The following MBP variants were observed in gnomAD, a reference collection of about 807,000 sequenced individuals.
MBP encodes the protein Golli-MBP.
MBP carries 16 observed loss-of-function variants against 35.8 expected under a neutral mutation model. The ratio of observed to expected loss-of-function variants is 0.45; its 90% CI spans 0.30 to 0.68. MBP has a LOEUF of 0.68. MBP is among the 30% of genes least tolerant of loss of function. The pLI, the probability that MBP is intolerant of heterozygous loss-of-function variation, is 0.08. For synonymous variants in MBP, 143 were observed against 159.6 expected (o/e 0.90, Z 0.78); for missense variants, 380 against 404.7 (o/e 0.94, Z 0.52).
In MBP at chr18:77,057,849, C is replaced by T. The variant is rs538418394; in HGVS notation, c.139+8449G>A. 1.9e-3 allele frequency among the ~76,000 whole-genome samples: 2 copies of T among 1,042 alleles called. 1 individual carries two copies. The highest frequency in any genetic ancestry group is 0.018 in the Non-Finnish European group (2 of 110). 0.7% of individuals were successfully genotyped at this position (1,042 alleles called of 152,430 possible). A position where few individuals can be genotyped will look rare whatever the true frequency, so the allele number is the denominator to read the frequency against. On this transcript the variant is annotated intron_variant, in intron 3 of 8. Transcript: ENST00000355994. The stretch of plus-strand genomic sequence containing the variant: ...GTTTTTTTTTTTTTTTTTTTTGAGA[C>T]GGAGTCTCGCTCTGTTGCCCAGGCT...
rs557139881 is a variant in MBP at position 77,001,578 on chromosome 18, C to T, written c.577-11518G>A. 6.6e-5 allele frequency among the ~76,000 whole-genome samples: 10 copies of T among 152,326 alleles called. No homozygotes were observed. In the East Asian group the frequency reaches 9.7e-4, roughly 15 times the overall value. On this transcript the variant is annotated intron_variant, in intron 4 of 8. Coordinates refer to ENST00000355994, the MANE Select transcript of MBP (RefSeq NM_001025101.2). ...GAAAATGCCCGTAAGAGGCCAGGCA[C>T]GGTGGCTCACACCTGTAATCCCAGA...
At chr18:77,024,845 T>C (rs1372126170) in intron 3 of MBP, among the ~76,000 whole-genome samples, 1 of 152,212 alleles carries the variant, frequency 6.6e-6, no homozygotes, top group African/African-American at 2.4e-5. Context: ...ATGGGAGCAT[T>C]CATTTCTATT....
intron 2 of MBP, among the ~76,000 whole-genome samples, chr18:77,092,704 G>A (rs1224981883): frequency 1.3e-5 from 2 of 152,122 alleles, no homozygotes; most frequent in Non-Finnish European, 2.9e-5. Context: ...GATCAGTGAA[G>A]GAAGAAATAA....
chr18:77,033,741 C>T (rs1286142437), intron 3 of MBP, among the ~76,000 whole-genome samples: 1 of 145,880 alleles, frequency 6.9e-6, no homozygotes, highest in Non-Finnish European at 1.5e-5. Flanking sequence ...CATTTATCTA[C>T]CTATGCATCA....
chr18:77,049,057 C>T (rs985325724), intron 3 of MBP, among the ~76,000 whole-genome samples: 4 of 151,816 alleles, frequency 2.6e-5, no homozygotes, highest in Non-Finnish European at 4.4e-5. Context: ...GTAGCTGGGA[C>T]TACAGGCACC....
rs1328909599 is a variant in MBP, at chr18:76,989,760, G to T, written c.681+196C>A. On this transcript the variant is annotated intron_variant, in intron 5 of 8. Coordinates refer to ENST00000355994, the MANE Select transcript of MBP (RefSeq NM_001025101.2). The surrounding 1 kb of genome is among the most constrained non-coding windows in gnomAD (Gnocchi z 4.0). ...ACGCACGGAGCGCACGGTGCAATCCGTGGCAGATACAGTCGGGAAGCGCTT... is the reference window on the plus strand; with the variant it reads ...ACGCACGGAGCGCACGGTGCAATCCTTGGCAGATACAGTCGGGAAGCGCTT... 3.4e-6 allele frequency: 2 copies of T among 581,902 alleles called. No homozygotes were observed. Among genetic ancestry groups the T allele is most frequent in the Admixed American group, 2.9e-5 (1 of 34,974 alleles). The allele number at this position is 581,902 out of a possible 1,614,324, so 36.0% of individuals were successfully genotyped here. A position where few individuals can be genotyped will look rare whatever the true frequency, so the allele number is the denominator to read the frequency against.
Position 77,065,942 on chromosome 18 carries a change from C to T in MBP, c.139+356G>A, listed in dbSNP as rs1300970404. The T allele has an allele frequency of 2.3e-5, 5 of 214,808 alleles. No homozygotes were observed. The East Asian group carries it at 4.3e-4, about 19-fold the overall frequency. 13.3% of individuals were successfully genotyped at this position (214,808 alleles called of 1,614,324 possible). On this transcript the variant is annotated intron_variant, in intron 3 of 8. Coordinates refer to ENST00000355994, the MANE Select transcript of MBP (RefSeq NM_001025101.2). ...GAGCAATCATAGCTCACTGCAGCCT[C>T]GACCTCCTGGGCCCAAGTGATCCTC...
intron 4 of MBP, among the ~76,000 whole-genome samples, chr18:76,992,089 G>C (rs1969961634): frequency 6.6e-6 from 1 of 152,218 alleles, no homozygotes; most frequent in African/African-American, 2.4e-5. Flanking sequence ...CAGGTCTGAA[G>C]TTTTGCTGGC....
intron 2 of MBP, among the ~76,000 whole-genome samples, chr18:77,073,797 A>C (rs1203206504): frequency 6.6e-6 from 1 of 152,206 alleles, no homozygotes; most frequent in Non-Finnish European, 1.5e-5. Context: ...GCTGAAAACT[A>C]ACAACTGCTC....
At chr18:77,047,103 G>A (rs554817864) in intron 3 of MBP, among the ~76,000 whole-genome samples, 9 of 152,342 alleles carry the variant, frequency 5.9e-5, no homozygotes, top group East Asian at 1.9e-4. Context: ...GGAGCCGAAC[G>A]TAACAGACAA....
chr18:77,015,380 C>T, intron 4 of MBP: 1 of 985,352 alleles, frequency 1.0e-6, no homozygotes, highest in Non-Finnish European at 1.2e-6. Flanking sequence ...CAACCCGAAT[C>T]CATACATGTC....
At chr18:77,118,045 CAGTGGGTTGGGGCGGGAT>C (rs2145201132) in intron 1 of MBP, among the ~76,000 whole-genome samples, 1 of 17,080 alleles carries the variant, frequency 5.9e-5, no homozygotes, top group African/African-American at 2.6e-4. Context: ...GGGATGGGGA[CAGTGGGTTGGGGCGGGAT>C]GGGGACAGTG....
chr18:77,038,244 A>G (rs537090511), intron 3 of MBP, among the ~76,000 whole-genome samples: 3 of 152,352 alleles, frequency 2.0e-5, no homozygotes, highest in African/African-American at 7.2e-5. Context: ...AAAGAAAAGA[A>G]ACATGTTGGC....
intron 3 of MBP, among the ~76,000 whole-genome samples, chr18:77,059,495 T>TAA (rs1459163860): frequency 8.4e-6 from 1 of 118,394 alleles, no homozygotes; most frequent in Non-Finnish European, 1.6e-5. Flanking sequence ...ATAATTAATT[T>TAA]AATTCTAATG....
intron 3 of MBP, among the ~76,000 whole-genome samples, chr18:77,048,388 A>T (rs1381022754): frequency 6.6e-6 from 1 of 152,232 alleles, no homozygotes; most frequent in African/African-American, 2.4e-5. Flanking sequence ...ATGAAAGCTC[A>T]TCACTCATAG....
chr18:77,079,299 C>G (rs1974792246), intron 2 of MBP, among the ~76,000 whole-genome samples: 1 of 152,222 alleles, frequency 6.6e-6, no homozygotes, highest in Admixed American at 6.5e-5. Flanking sequence ...AGTGCCCAGG[C>G]AGGCAGTGGC....
chr18:77,128,521 CCACA>C (rs56770189), intron 1 of MBP, among the ~76,000 whole-genome samples: 169 of 147,720 alleles, frequency 1.1e-3, no homozygotes, highest in Middle Eastern at 6.9e-3. Context: ...CACGTGCATA[CCACA>C]CACACACACA....
chr18:77,095,886 G>A (rs1199722807), intron 2 of MBP, among the ~76,000 whole-genome samples: 1 of 152,212 alleles, frequency 6.6e-6, no homozygotes, highest in African/African-American at 2.4e-5. Flanking sequence ...TTGGGCCTGA[G>A]GACACCTCCG....
chr18:76,980,635 C>T, intron 8 of MBP, 164 bp from the exon 9 acceptor site: 1 of 615,096 alleles, frequency 1.6e-6, no homozygotes, highest in Non-Finnish European at 2.9e-6. Context: ...TCCATTTCTC[C>T]CGACCTCCCT....
Sources: allele counts gnomAD v4.1 joint callset (sites outside exome capture counted in the v4.1 genomes callset), GRCh38; gene constraint gnomAD v4.1.1; non-coding constraint Gnocchi (gnomAD v3.1); transcripts MANE v1.5; gene names NCBI Gene and HGNC (gene_info 2026-07-23, HGNC 2026-07-21).